The following CCDC30 variants were observed in gnomAD, a reference collection of about 807,000 sequenced individuals.
CCDC30 encodes the protein coiled-coil domain-containing protein 30.
A neutral mutation model predicts 100.2 loss-of-function variants in CCDC30; 70 were observed. That is an observed-to-expected ratio of 0.70 (90% CI 0.58 to 0.85). The LOEUF (loss-of-function observed/expected upper bound fraction) is 0.85, where lower values mean the gene tolerates loss of function less well. Among genes scored for constraint, CCDC30 ranks in the 40% least tolerant of loss-of-function variants. CCDC30 has a pLI of 0.00. For missense variants in CCDC30, 652 were observed against 771.2 expected (o/e 0.85, Z 1.83); for synonymous variants, 233 against 269.5 (o/e 0.86, Z 1.33).
intron 10 of CCDC30, among the ~76,000 whole-genome samples, chr1:42,602,480 C>A (rs1646423805): frequency 6.6e-6 from 1 of 152,054 alleles, no homozygotes; most frequent in Non-Finnish European, 1.5e-5. Flanking sequence ...ACTACAGATG[C>A]CACGAACATT....
chr1:42,590,606 A>G (rs1456705300), intron 10 of CCDC30: 1 of 152,154 alleles, frequency 6.6e-6, no homozygotes, highest in Non-Finnish European at 1.5e-5. Flanking sequence ...ATATGGTGGC[A>G]TGGACCTGTA....
intron 4 of CCDC30, among the ~76,000 whole-genome samples, chr1:42,493,668 A>G (rs1274141850): frequency 6.6e-6 from 1 of 152,250 alleles, no homozygotes; most frequent in Non-Finnish European, 1.5e-5. Context: ...TTCTTCAGAA[A>G]GAACAACATT....
At position 42,586,554 on chromosome 1, in the gene CCDC30, CT is replaced by C. The variant is rs200401814; in HGVS notation, c.1002-2766del. ...TCCTGGCCTCAGGTGATCCTCCAGC[CT>C]CAGACTCCCAAAGTGTTAGGAGGTG... On this transcript the variant is annotated intron_variant, in intron 9 of 16. Transcript: ENST00000668663. Among the ~76,000 whole-genome samples the C allele has an allele frequency of 3.8e-3, 580 of 152,268 alleles. 8 individuals are homozygous for C. Among genetic ancestry groups the C allele is most frequent in the African/African-American group, 0.013 (538 of 41,550 alleles).
intron 7 of CCDC30, among the ~76,000 whole-genome samples, chr1:42,567,204 T>G (rs57516946): frequency 0.013 from 2,018 of 152,306 alleles, 43 homozygotes; most frequent in African/African-American, 0.047. Context: ...AACTTTGGCA[T>G]GTAGGTCAAA....
chr1:42,538,592 C>T (rs374913576), intron 6 of CCDC30, among the ~76,000 whole-genome samples: 6 of 151,964 alleles, frequency 3.9e-5, no homozygotes, highest in Admixed American at 2.6e-4. Context: ...GGCAACATAG[C>T]GAGACCGCAT....
At chr1:42,483,408 T>TGG (rs1643997925) in intron 3 of CCDC30, among the ~76,000 whole-genome samples, 1 of 152,232 alleles carries the variant, frequency 6.6e-6, no homozygotes, top group Non-Finnish European at 1.5e-5. Flanking sequence ...AAGAGCAGAA[T>TGG]TACTGAATCA....
intron 7 of CCDC30, among the ~76,000 whole-genome samples, chr1:42,566,756 G>T (rs1645614489): frequency 6.6e-6 from 1 of 152,080 alleles, no homozygotes; most frequent in African/African-American, 2.4e-5. Flanking sequence ...CTAAACCCTG[G>T]TTGTCCTGCC....
intron 12 of CCDC30, among the ~76,000 whole-genome samples, chr1:42,638,519 A>G (rs1012766013): frequency 2.0e-5 from 3 of 151,302 alleles, no homozygotes; most frequent in Non-Finnish European, 1.5e-5. Context: ...TGGAAAGTGT[A>G]TAAGAAAAAG....
chr1:42,607,652 T>TG (rs200033971), intron 10 of CCDC30, among the ~76,000 whole-genome samples: 8 of 148,782 alleles, frequency 5.4e-5, no homozygotes, highest in African/African-American at 1.0e-4. Context: ...TGCCCTGTTC[T>TG]GGGAAAAAAA....
At chr1:42,606,969 T>A (rs1646514175) in intron 10 of CCDC30, among the ~76,000 whole-genome samples, 1 of 152,212 alleles carries the variant, frequency 6.6e-6, no homozygotes, top group South Asian at 2.1e-4. Flanking sequence ...AAATACCTTT[T>A]TATCCATATT....
At chr1:42,546,658 C>T (rs763647066) in intron 6 of CCDC30, among the ~76,000 whole-genome samples, 9 of 151,264 alleles carry the variant, frequency 5.9e-5, no homozygotes, top group Admixed American at 1.3e-4. Flanking sequence ...TTTTTGCTGT[C>T]TCTATTTTAC....
upstream of CCDC30, among the ~76,000 whole-genome samples, chr1:42,462,668 A>C (rs1269564671): frequency 1.3e-5 from 2 of 152,250 alleles, no homozygotes; most frequent in Non-Finnish European, 2.9e-5. Flanking sequence ...AAGATGATAT[A>C]AATTGAGTAT....
chr1:42,648,981 TACCAAGATTGA>T (rs1648114700), intron 15 of CCDC30, among the ~76,000 whole-genome samples: 2 of 152,020 alleles, frequency 1.3e-5, no homozygotes, highest in Admixed American at 6.6e-5. Flanking sequence ...ACATACAACC[TACCAAGATTGA>T]ACCATGAAGA....
intron 6 of CCDC30, among the ~76,000 whole-genome samples, chr1:42,522,983 C>G (rs1315995812): frequency 6.6e-6 from 1 of 152,088 alleles, no homozygotes; most frequent in African/African-American, 2.4e-5. Context: ...GTGCACACCA[C>G]TACACCTGGC....
chr1:42,550,248 A>G (rs1200817114), intron 6 of CCDC30, among the ~76,000 whole-genome samples: 2 of 152,152 alleles, frequency 1.3e-5, no homozygotes, highest in Non-Finnish European at 2.9e-5. Flanking sequence ...ACCCTACTCC[A>G]TAGCACTGAT....
intron 6 of CCDC30, among the ~76,000 whole-genome samples, chr1:42,524,105 CTTTTTT>C (rs199539747): frequency 7.1e-6 from 1 of 141,422 alleles, no homozygotes; most frequent in Non-Finnish European, 1.6e-5. Context: ...GTTTTGTTTT[CTTTTTT>C]TTTTTAAGTT....
At chr1:42,478,516 T>C (rs1643908501) in intron 1 of CCDC30, among the ~76,000 whole-genome samples, 1 of 152,150 alleles carries the variant, frequency 6.6e-6, no homozygotes, top group Non-Finnish European at 1.5e-5. Flanking sequence ...CCCAGCACTT[T>C]GTGAGGCCAA....
intron 7 of CCDC30, among the ~76,000 whole-genome samples, chr1:42,571,704 C>G (rs868401345): frequency 6.6e-6 from 1 of 152,162 alleles, no homozygotes; most frequent in African/African-American, 2.4e-5. Context: ...TTCTTTACTT[C>G]TACATACACT....
intron 6 of CCDC30, chr1:42,510,238 C>A: frequency 2.0e-6 from 1 of 512,508 alleles, no homozygotes; most frequent in Non-Finnish European, 2.5e-6. Context: ...TTTTGACCTA[C>A]CATAGGAGAC....
Sources: gnomAD v4.1 joint callset for allele counts (sites outside exome capture counted in the v4.1 genomes callset) on GRCh38, gnomAD v4.1.1 for gene constraint, MANE v1.5 for transcripts, NCBI Gene and HGNC (gene_info 2026-07-23, HGNC 2026-07-21) for gene names.